EEIG1: variants seen among roughly 807,000 people sequenced by gnomAD.
EEIG1 encodes the protein early estrogen-induced gene 1 protein.
the EEIG1 span, among the ~76,000 whole-genome samples, chr9:127,975,405 A>C: frequency 6.6e-6 from 1 of 152,196 alleles, no homozygotes; most frequent in Non-Finnish European, 1.5e-5. Context: ...GGGGCCTCCA[A>C]GTCACAGGCT....
chr9:127,979,972 G>A, the EEIG1 span: 7 of 1,601,314 alleles, frequency 4.4e-6, no homozygotes, highest in Non-Finnish European at 6.0e-6. Flanking sequence ...TGCTGCAGGC[G>A]CGACCGCCCC....
chr9:127,950,808 G>A, the EEIG1 span: 7 of 774,928 alleles, frequency 9.0e-6, no homozygotes, highest in African/African-American at 1.1e-4. Context: ...CGGGGCCAGT[G>A]CGCCTGACAT....
the EEIG1 span, among the ~76,000 whole-genome samples, chr9:127,973,174 G>A: frequency 6.6e-6 from 1 of 152,092 alleles, no homozygotes; most frequent in Non-Finnish European, 1.5e-5. This position sits in a 1 kb window ranked among gnomAD's most constrained non-coding sequence, Gnocchi z 4.2. Flanking sequence ...AGCAGCAAGC[G>A]AGTGACTGCA....
chr9:127,943,009 G>A, the EEIG1 span: 2 of 642,460 alleles, frequency 3.1e-6, no homozygotes, highest in South Asian at 1.8e-5. Context: ...GGGCCAGGAG[G>A]GTCCCAGCAT....
chr9:127,955,813 A>C, the EEIG1 span, among the ~76,000 whole-genome samples: 86 of 152,324 alleles, frequency 5.6e-4, no homozygotes, highest in Non-Finnish European at 9.8e-4. Context: ...GGATGTGACC[A>C]AGGCTTACCC....
chr9:127,943,023 T>C, the EEIG1 span: 5 of 664,842 alleles, frequency 7.5e-6, no homozygotes, highest in South Asian at 1.7e-5. Context: ...CCAGCATGGA[T>C]GGGAGGGGCA....
At chr9:127,980,284 G>A in the EEIG1 span, 1 of 941,432 alleles carries the variant, frequency 1.1e-6, no homozygotes, top group Non-Finnish European at 1.6e-6. Flanking sequence ...CGGAGTCCGG[G>A]GCCCCAGGTC....
the EEIG1 span, chr9:127,942,864 G>A: frequency 2.4e-6 from 1 of 412,200 alleles, no homozygotes; most frequent in Non-Finnish European, 4.5e-6. Flanking sequence ...CAGCCAGAGG[G>A]CTGGGTCAGT....
the EEIG1 span, chr9:127,980,137 T>G: frequency 5.6e-6 from 9 of 1,611,960 alleles, no homozygotes; most frequent in Non-Finnish European, 6.8e-6. Context: ...AAGAAAGCCA[T>G]GAGCGAGTTC....
chr9:127,962,214 C>T, the EEIG1 span, among the ~76,000 whole-genome samples: 1 of 152,146 alleles, frequency 6.6e-6, no homozygotes, highest in South Asian at 2.1e-4. Flanking sequence ...TATGTAAATG[C>T]CCACAAGCAC....
the EEIG1 span, chr9:127,948,036 T>C: frequency 6.3e-7 from 1 of 1,590,114 alleles, no homozygotes; most frequent in Non-Finnish European, 8.6e-7. Context: ...CTCGGGCCGC[T>C]AGCAGGGGAG....
chr9:127,947,209 C>T, the EEIG1 span, among the ~76,000 whole-genome samples: 1 of 150,094 alleles, frequency 6.7e-6, no homozygotes, highest in Non-Finnish European at 1.5e-5. Context: ...AGACTGAGAC[C>T]ATCCTGGCAA....
At chr9:127,952,756 AGG>A in the EEIG1 span, among the ~76,000 whole-genome samples, 1 of 152,144 alleles carries the variant, frequency 6.6e-6, no homozygotes, top group Admixed American at 6.5e-5. Flanking sequence ...TCTGTCACCC[AGG>A]CTGGAGTGCA....
At chr9:127,966,025 G>A in the EEIG1 span, among the ~76,000 whole-genome samples, 1 of 150,834 alleles carries the variant, frequency 6.6e-6, no homozygotes, top group Non-Finnish European at 1.5e-5. Flanking sequence ...TTGTTCCCCT[G>A]CCAAAGACAC....
the EEIG1 span, among the ~76,000 whole-genome samples, chr9:127,956,272 G>C: frequency 6.6e-6 from 1 of 152,312 alleles, no homozygotes; most frequent in East Asian, 1.9e-4. Context: ...TTACATTCTG[G>C]TGGGAGGAGA....
the EEIG1 span, chr9:127,941,011 A>G: frequency 6.6e-6 from 1 of 152,192 alleles, no homozygotes; most frequent in Non-Finnish European, 1.5e-5. Flanking sequence ...AACTCTCTCA[A>G]TATATAGAAT....
chr9:127,943,494 G>A, the EEIG1 span: 1 of 530,648 alleles, frequency 1.9e-6, no homozygotes, highest in Non-Finnish European at 3.4e-6. Context: ...CGGTCACCTC[G>A]GCAGGGAGTC....
the EEIG1 span, chr9:127,948,283 G>C: frequency 3.7e-6 from 6 of 1,612,616 alleles, no homozygotes; most frequent in South Asian, 5.5e-5. Context: ...GATGAAAACA[G>C]AGGACACCCA....
At chr9:127,950,471 G>A in the EEIG1 span, 24 of 1,613,978 alleles carry the variant, frequency 1.5e-5, no homozygotes, top group East Asian at 1.3e-4. Context: ...CATATCCCTC[G>A]AGCAGGCAGC....
Sources: allele counts gnomAD v4.1 joint callset (sites outside exome capture counted in the v4.1 genomes callset), GRCh38; gene constraint gnomAD v4.1.1; non-coding constraint Gnocchi (gnomAD v3.1); transcripts MANE v1.5; gene names NCBI Gene and HGNC (gene_info 2026-07-23, HGNC 2026-07-21).